The following NDOR1 variants were observed in gnomAD, a reference collection of about 807,000 sequenced individuals.
The protein encoded by NDOR1 is NADPH-dependent diflavin oxidoreductase 1.
In NDOR1, 61 loss-of-function variants were observed where a neutral mutation model predicts 67.2. The observed-to-expected ratio is 0.91, with a 90% confidence interval of 0.74 to 1.12. The LOEUF (loss-of-function observed/expected upper bound fraction) is 1.12. Among genes scored for constraint, NDOR1 ranks in the 50% most tolerant of loss-of-function variants. The pLI is 0.00. For missense variants in NDOR1, 878 were observed against 802.8 expected, an observed-to-expected ratio of 1.09 and a Z score of -1.13; for synonymous variants, 378 against 343.7, an observed-to-expected ratio of 1.10 and a Z score of -1.10.
At chr9:137,206,137 T>G (rs1834951550) in intron 1 of NDOR1, 95 bp from the exon 2 acceptor site, 1 of 1,521,038 alleles carries the variant, frequency 6.6e-7, no homozygotes, top group South Asian at 1.1e-5. Flanking sequence ...CCCTCTGCCC[T>G]GTCAGCCTGA....
intron 2 of NDOR1, 123 bp downstream of exon 2, chr9:137,206,432 T>C (rs2131361681): frequency 9.5e-7 from 1 of 1,049,716 alleles, no homozygotes; most frequent in South Asian, 1.3e-5. Flanking sequence ...GAGGTGGATT[T>C]GAGAGAACGT....
At position 137,217,279 on chromosome 9, in the gene NDOR1, T is replaced by C. The variant is rs1835659963; in HGVS notation, c.*863T>C. Among the ~76,000 whole-genome samples, 1 of 152,164 alleles carries C rather than the reference T, an allele frequency of 6.6e-6. No homozygotes were observed. The highest frequency in any genetic ancestry group is 2.1e-4 in the South Asian group (1 of 4,824). On this transcript the variant is annotated 3_prime_UTR_variant, in exon 14 of 14. Transcript: ENST00000684003. The stretch of plus-strand genomic sequence containing the variant: ...GGGATGTGCGCCCTGACTGCCTCGT[T>C]CTTAAGGGCATAGTGGGTCGGCTAA...
chr9:137,215,532 C>T lies in NDOR1; in HGVS notation c.1288+11C>T, dbSNP rs1835521815. The T allele has an allele frequency of 1.2e-6, 2 of 1,612,530 alleles. No homozygotes were observed. Among genetic ancestry groups the T allele is most frequent in the African/African-American group, 1.3e-5 (1 of 75,060 alleles). ...TGGACCCTGGGCAAGGTGACCCCTG[C>T]TCCCAGGGTGGGGGCCGTGGGCCCA... On this transcript the variant is annotated intron_variant, in intron 10 of 13. Transcript: ENST00000684003.
chr9:137,213,690 G>A (rs755571379), intron 3 of NDOR1, 90 bp from the exon 4 acceptor site: 18 of 1,311,972 alleles, frequency 1.4e-5, no homozygotes, highest in South Asian at 6.6e-5. Context: ...TCCACTCTTC[G>A]CCCGGGCTCC....
At chr9:137,211,631 C>T (rs1045944782) in intron 2 of NDOR1, among the ~76,000 whole-genome samples, 5 of 152,084 alleles carry the variant, frequency 3.3e-5, no homozygotes, top group African/African-American at 1.2e-4. Flanking sequence ...GGGAGGGTCT[C>T]GGGGGCAAGA....
At position 137,218,300 on chromosome 9, in the gene NDOR1, C is replaced by A; in HGVS notation, c.*1884C>A. 2.5e-6 allele frequency: 1 copy of A among 398,324 alleles called. No individual in the cohort carries two copies. The allele number at this position is 398,324 out of a possible 1,614,324, so 24.7% of individuals were successfully genotyped here. A position where few individuals can be genotyped will look rare whatever the true frequency, so the allele number is the denominator to read the frequency against. Reference sequence around the variant, plus strand: ...GCTACAGGCCGACGGGCCCTCACGCCAGCCCCGCCGAGAGGCCCCTGCATC... The same window carrying A: ...GCTACAGGCCGACGGGCCCTCACGCAAGCCCCGCCGAGAGGCCCCTGCATC... On this transcript the variant is annotated 3_prime_UTR_variant, in exon 14 of 14. Coordinates refer to ENST00000684003, the MANE Select transcript of NDOR1 (RefSeq NM_014434.4).
intron 2 of NDOR1, among the ~76,000 whole-genome samples, chr9:137,210,863 G>A (rs754656538): frequency 2.0e-5 from 3 of 152,154 alleles, no homozygotes; most frequent in African/African-American, 4.8e-5. Flanking sequence ...AAAAAAGGCC[G>A]GGCACGACGG....
At position 137,214,959 on chromosome 9, in the gene NDOR1, G is replaced by C. The variant is rs1436665970; in HGVS notation, c.1006G>C (p.Ala336Pro). The change falls in exon 8 of 14, where the codon GCC (alanine) becomes CCC (proline). Residue 336 changes from alanine to proline, a missense_variant. Coordinates refer to ENST00000684003, the MANE Select transcript of NDOR1 (RefSeq NM_014434.4). ...EREKLLEFSS[A>P]QGQEELFEYC... Reference sequence around the variant, plus strand: ...GGAGAAGCTGCTGGAGTTCAGTTCTGCCCAAGGCCAGGAGGAGCTCTTTGA... The same window carrying C: ...GGAGAAGCTGCTGGAGTTCAGTTCTCCCCAAGGCCAGGAGGAGCTCTTTGA... 1 of 1,613,480 alleles carries C rather than the reference G, an allele frequency of 6.2e-7. No individual in the cohort carries two copies. The highest frequency in any genetic ancestry group is 1.3e-5 in the African/African-American group (1 of 74,946).
chr9:137,218,961 C>G lies in NDOR1; in HGVS notation c.*2545C>G, dbSNP rs1159254681. ...TGGCCACGGGCTGACGCCGGCCACA[C>G]TTCCCCTCCGAGGGCCAGCTGAGCA... On this transcript the variant is annotated 3_prime_UTR_variant, in exon 14 of 14. Transcript: ENST00000684003. The G allele has an allele frequency of 1.6e-5, 4 of 247,604 alleles. No individual in the cohort carries two copies. In the East Asian group the frequency reaches 2.2e-4, roughly 14 times the overall value. The allele number at this position is 247,604 out of a possible 1,614,324, so 15.3% of individuals were successfully genotyped here.
At position 137,213,884 on chromosome 9, in the gene NDOR1, T is replaced by G; in HGVS notation, c.410+6T>G. 3 of 1,605,886 alleles carry G rather than the reference T, an allele frequency of 1.9e-6. No individual in the cohort carries two copies. The highest frequency in any genetic ancestry group is 2.6e-6 in the Non-Finnish European group (3 of 1,176,390). On this transcript the variant is annotated splice_donor_region_variant and intron_variant, in intron 4 of 13. Coordinates refer to ENST00000684003, the MANE Select transcript of NDOR1 (RefSeq NM_014434.4). ...GATGACCAGCATGAGCTGGGGTGAG[T>G]CTGCGGGCGTGGTACCCGCCTCCAC...
chr9:137,215,165 T>C lies in NDOR1; in HGVS notation c.1136T>C (p.Ile379Thr), dbSNP rs1412579292. 5 of 1,613,246 alleles carry C rather than the reference T, an allele frequency of 3.1e-6. No homozygotes were observed. The highest frequency in any genetic ancestry group is 2.2e-5 in the East Asian group (1 of 44,900). ...PDYLLDLIPVIRPRAFSIASS... is the reference protein window; with the variant it reads ...PDYLLDLIPVTRPRAFSIASS... The stretch of plus-strand genomic sequence containing the variant: ...TACCTGTTGGACCTCATCCCCGTTA[T>C]CCGGCCGAGGGCCTTCTCCATCGCC... Residue 379 changes from isoleucine to threonine, a missense_variant, in exon 9 of 14, where the codon ATC (isoleucine) becomes ACC (threonine). Coordinates refer to ENST00000684003, the MANE Select transcript of NDOR1 (RefSeq NM_014434.4).
chr9:137,211,380 G>T (rs956303454), intron 2 of NDOR1, among the ~76,000 whole-genome samples: 1 of 152,174 alleles, frequency 6.6e-6, no homozygotes, highest in Non-Finnish European at 1.5e-5. Context: ...GTCACTGTGG[G>T]TTTAGCCTCT....
Position 137,214,298 on chromosome 9 carries a change from C to T in NDOR1, c.607C>T (p.Pro203Ser), listed in dbSNP as rs1835414768. The change falls in exon 6 of 14, where the codon CCG becomes TCG. Residue 203 changes from proline to serine, a missense_variant. By Grantham distance (74) the Pro-to-Ser change is moderately conservative (BLOSUM62 -1). Coordinates refer to ENST00000684003, the MANE Select transcript of NDOR1 (RefSeq NM_014434.4). ...RVAHPGSQEP[P>S]SESKPFLAPM... is the part of the protein sequence containing the mutation. Reference sequence around the variant, plus strand: ...AGCTCACCCCGGCTCTCAGGAGCCCCCGTCAGAGTCGAAGCCCTTCCTAGC... The same window carrying T: ...AGCTCACCCCGGCTCTCAGGAGCCCTCGTCAGAGTCGAAGCCCTTCCTAGC... The T allele has an allele frequency of 1.9e-6, 3 of 1,613,910 alleles. No individual in the cohort carries two copies. The African/African-American group carries it at 4.0e-5, about 22-fold the overall frequency.
rs1293579444 is a variant in NDOR1, at chr9:137,218,099, G to A, written c.*1683G>A. 8 of 398,742 alleles carry A rather than the reference G, an allele frequency of 2.0e-5. No individual in the cohort carries two copies. Among genetic ancestry groups the A allele is most frequent in the Non-Finnish European group, 3.5e-5 (8 of 226,222 alleles). The allele number at this position is 398,742 out of a possible 1,614,324, so 24.7% of individuals were successfully genotyped here. ...GTGCCCGATCTGCACAGAGCCCTAC[G>A]GGCCCAGAGAGCGCCGCCTGGCCCT... On this transcript the variant is annotated 3_prime_UTR_variant, in exon 14 of 14. Transcript: ENST00000684003.
chr9:137,209,956 A>G (rs1835168887), intron 2 of NDOR1, among the ~76,000 whole-genome samples: 1 of 152,194 alleles, frequency 6.6e-6, no homozygotes, highest in South Asian at 2.1e-4. Context: ...AGCTGGGTGT[A>G]TTGGTGCATG....
At chr9:137,213,706 C>A in intron 3 of NDOR1, 74 bp from the exon 4 acceptor site, 1 of 1,458,870 alleles carries the variant, frequency 6.9e-7, no homozygotes, top group South Asian at 1.2e-5. Context: ...GCTCCACTCT[C>A]CCGGGTTCCA....
intron 9 of NDOR1, 25 bp from the exon 10 acceptor site, chr9:137,215,382 A>G (rs1303626352): frequency 9.5e-7 from 1 of 1,058,056 alleles, no homozygotes; most frequent in Non-Finnish European, 1.4e-6. Context: ...TTGTTCCACC[A>G]CCCCCACCCC....
chr9:137,215,565 TTC>T (rs767319419), intron 10 of NDOR1, 44 bp downstream of exon 10: 2 of 1,611,070 alleles, frequency 1.2e-6, no homozygotes, highest in Admixed American at 3.3e-5. Flanking sequence ...CCATATCCCC[TTC>T]TCTCCCATGC....
At position 137,216,417 on chromosome 9, in the gene NDOR1, G is replaced by A; in HGVS notation, c.*1G>A. 6.3e-7 allele frequency: 1 copy of A among 1,598,806 alleles called. No homozygotes were observed. Among genetic ancestry groups the A allele is most frequent in the Non-Finnish European group, 8.5e-7 (1 of 1,176,538 alleles). On this transcript the variant is annotated 3_prime_UTR_variant, in exon 14 of 14. Coordinates refer to ENST00000684003, the MANE Select transcript of NDOR1 (RefSeq NM_014434.4). The stretch of plus-strand genomic sequence containing the variant: ...CTTCCAGACAGAGACGTGGGCCTGA[G>A]GCCCGCGGCTGCCCGTGCCCCCTCT...
Sources: gnomAD v4.1 joint callset for allele counts (sites outside exome capture counted in the v4.1 genomes callset) on GRCh38, gnomAD v4.1.1 for gene constraint, MANE v1.5 for transcripts, NCBI Gene and HGNC (gene_info 2026-07-23, HGNC 2026-07-21) for gene names.